The following DOCK2 variants were observed in gnomAD, a reference collection of about 807,000 sequenced individuals.
DOCK2 encodes the protein dedicator of cytokinesis 2.
DOCK2 carries 87 observed loss-of-function variants against 248.9 expected under a neutral mutation model. That is an observed-to-expected ratio of 0.35 (90% CI 0.29 to 0.42). The LOEUF (loss-of-function observed/expected upper bound fraction) is 0.42. Ranked by LOEUF, DOCK2 falls within the 10% of genes least tolerant of loss-of-function variation. DOCK2 has a pLI of 1.00. For synonymous variants in DOCK2, 805 were observed against 821.6 expected (o/e 0.98, Z 0.35); for missense variants, 1,747 against 2,300.2 (o/e 0.76, Z 4.92).
At chr5:169,978,307 C>T (rs1045278803) in intron 27 of DOCK2, among the ~76,000 whole-genome samples, 10 of 144,030 alleles carry the variant, frequency 6.9e-5, no homozygotes, top group Non-Finnish European at 1.3e-4. Context: ...TGTTTGTTTC[C>T]CAAGGCAAGG....
chr5:169,713,663 T>A (rs1427162453), intron 17 of DOCK2, among the ~76,000 whole-genome samples: 2 of 152,208 alleles, frequency 1.3e-5, no homozygotes, highest in Non-Finnish European at 2.9e-5. Context: ...CCTTTGCCAT[T>A]AAATTCCTCT....
rs369505340 is a variant in DOCK2 at position 170,045,797 on chromosome 5, C to A, written c.3877-19C>A. 2 of 1,613,380 alleles carry A rather than the reference C, an allele frequency of 1.2e-6. No individual in the cohort carries two copies. The highest frequency in any genetic ancestry group is 1.3e-5 in the African/African-American group (1 of 74,892). On this transcript the variant is annotated intron_variant, in intron 38 of 51. Transcript: ENST00000520908. ...CCCGGTGGTGCCACCTCACCTTTGT[C>A]CCTGTGACCTTCCTGTAGATGTGGG...
intron 26 of DOCK2, among the ~76,000 whole-genome samples, chr5:169,811,817 G>A (rs113011716): frequency 0.013 from 2,016 of 150,624 alleles, 23 homozygotes; most frequent in Middle Eastern, 0.049. Flanking sequence ...CAGGCACCAC[G>A]TTACCTCCCC....
At chr5:170,018,796 T>G (rs1755621949) in intron 32 of DOCK2, among the ~76,000 whole-genome samples, 164 bp from the exon 33 acceptor site, 1 of 152,206 alleles carries the variant, frequency 6.6e-6, no homozygotes, top group Non-Finnish European at 1.5e-5. Flanking sequence ...TTAATATATG[T>G]TAAGTGTTCA....
chr5:170,062,128 T>TGTGTGTGTGTGA (rs778077276), intron 44 of DOCK2, among the ~76,000 whole-genome samples: 1,649 of 137,734 alleles, frequency 0.012, 41 homozygotes, highest in African/African-American at 0.046. Context: ...TGTGTGTGTG[T>TGTGTGTGTGTGA]GAGAGAGAGA....
intron 27 of DOCK2, among the ~76,000 whole-genome samples, chr5:169,901,535 C>T (rs1271459543): frequency 6.6e-6 from 1 of 151,906 alleles, no homozygotes; most frequent in Non-Finnish European, 1.5e-5. Context: ...CTGGATGGGG[C>T]AAAAGTGGAA....
chr5:169,851,638 G>T (rs1014721336), intron 27 of DOCK2, among the ~76,000 whole-genome samples: 28 of 152,168 alleles, frequency 1.8e-4, no homozygotes, highest in African/African-American at 6.3e-4. Context: ...ATAAAGAACT[G>T]CCCAAGATTG....
intron 25 of DOCK2, among the ~76,000 whole-genome samples, chr5:169,769,677 A>G (rs1764978741): frequency 6.6e-6 from 1 of 152,230 alleles, no homozygotes; most frequent in Non-Finnish European, 1.5e-5. Context: ...AGGGATGTGC[A>G]TGGTATCAGC....
chr5:169,825,211 G>T (rs1255299460), intron 26 of DOCK2, among the ~76,000 whole-genome samples: 1 of 152,140 alleles, frequency 6.6e-6, no homozygotes, highest in Non-Finnish European at 1.5e-5. Context: ...AGACATTTTG[G>T]CGATTCCTCA....
At chr5:170,022,952 A>G (rs6884504) in intron 33 of DOCK2, among the ~76,000 whole-genome samples, 1 of 151,988 alleles carries the variant, frequency 6.6e-6, no homozygotes, top group Admixed American at 6.5e-5. Context: ...GTTTTTATAA[A>G]CTAGAATAAT....
chr5:169,840,337 C>G lies in DOCK2; in HGVS notation c.2704-420C>G, dbSNP rs371375892. Among the ~76,000 whole-genome samples the G allele has an allele frequency of 3.9e-5, 6 of 152,276 alleles. No individual in the cohort carries two copies. In the South Asian group the frequency reaches 6.2e-4, roughly 16 times the overall value. Reference sequence around the variant, plus strand: ...AACCATGAGAATCCACTCCCATGATCCAATTGCCTTCTACGAGGCCCCACC... The same window carrying G: ...AACCATGAGAATCCACTCCCATGATGCAATTGCCTTCTACGAGGCCCCACC... On this transcript the variant is annotated intron_variant, in intron 26 of 51. Transcript: ENST00000520908.
In DOCK2 at chr5:169,667,772, A is replaced by C. The variant is rs1280706291; in HGVS notation, c.128-1516A>C. 5.2e-5 allele frequency among the ~76,000 whole-genome samples: 8 copies of C among 152,382 alleles called. 1 individual carries two copies. The East Asian group carries it at 1.5e-3, about 29-fold the overall frequency. Reference sequence around the variant, plus strand: ...ATAAGACAAAACAAAAAATGTCAACAGAGTTACCAGCACATAGGAAGCACT... The same window carrying C: ...ATAAGACAAAACAAAAAATGTCAACCGAGTTACCAGCACATAGGAAGCACT... On this transcript the variant is annotated intron_variant, in intron 2 of 51. Transcript: ENST00000520908.
intron 22 of DOCK2, among the ~76,000 whole-genome samples, chr5:169,744,443 G>A (rs563954736): frequency 6.6e-6 from 1 of 152,242 alleles, no homozygotes; most frequent in South Asian, 2.1e-4. Flanking sequence ...AATGCTCACC[G>A]GACTTCCCAG....
chr5:169,778,177 T>C (rs1318421353), intron 25 of DOCK2, among the ~76,000 whole-genome samples: 1 of 152,166 alleles, frequency 6.6e-6, no homozygotes, highest in Non-Finnish European at 1.5e-5. Context: ...CAGAGGTGCA[T>C]TGTGCTGAGA....
intron 27 of DOCK2, among the ~76,000 whole-genome samples, chr5:169,894,621 G>A (rs1021208946): frequency 6.6e-6 from 1 of 152,182 alleles, no homozygotes; most frequent in African/African-American, 2.4e-5. Context: ...GGTGGCACAA[G>A]CAGTTTGCAA....
At chr5:169,790,935 G>T (rs968265363) in intron 25 of DOCK2, among the ~76,000 whole-genome samples, 1 of 152,082 alleles carries the variant, frequency 6.6e-6, no homozygotes, top group Non-Finnish European at 1.5e-5. Flanking sequence ...TAGGTAAAAC[G>T]GCTCAGGGGA....
At chr5:169,877,641 G>T (rs1417523817) in intron 27 of DOCK2, among the ~76,000 whole-genome samples, 1 of 152,030 alleles carries the variant, frequency 6.6e-6, no homozygotes, top group Non-Finnish European at 1.5e-5. Flanking sequence ...TCTGCATGTA[G>T]TTGCTTGAAA....
At chr5:169,661,087 C>T (rs1486717546) in intron 2 of DOCK2, among the ~76,000 whole-genome samples, 2 of 152,114 alleles carry the variant, frequency 1.3e-5, no homozygotes, top group East Asian at 1.9e-4. Flanking sequence ...ATGGTATCTA[C>T]TAACTCTTTT....
intron 43 of DOCK2, 171 bp downstream of exon 43, chr5:170,056,939 G>GT (rs1318545381): frequency 1.6e-6 from 1 of 622,120 alleles, no homozygotes; most frequent in African/African-American, 1.9e-5. Flanking sequence ...TAGGGCCTGT[G>GT]TCCTTATTTC....
Sources: allele counts gnomAD v4.1 joint callset (sites outside exome capture counted in the v4.1 genomes callset), GRCh38; gene constraint gnomAD v4.1.1; transcripts MANE v1.5; gene names NCBI Gene and HGNC (gene_info 2026-07-23, HGNC 2026-07-21).